Variants in IL12RB1 observed in about 807,000 individuals in gnomAD.
IL12RB1 encodes the protein interleukin-12 receptor subunit beta-1.
IL12RB1 carries 64 observed loss-of-function variants against 94.4 expected under a neutral mutation model. The ratio of observed to expected loss-of-function variants is 0.68; its 90% CI spans 0.55 to 0.83. The LOEUF is 0.83. Ranked by LOEUF, IL12RB1 falls within the 40% of genes least tolerant of loss-of-function variation. IL12RB1 has a pLI of 0.00. For synonymous variants in IL12RB1, 362 were observed against 355.5 expected, an observed-to-expected ratio of 1.02 and a Z score of -0.21; for missense variants, 814 against 855.6, an observed-to-expected ratio of 0.95 and a Z score of 0.61.
chr19:18,068,665 C>G (rs979906261), intron 10 of IL12RB1, 139 bp from the exon 11 acceptor site: 1 of 702,036 alleles, frequency 1.4e-6, no homozygotes, highest in Middle Eastern at 3.8e-4. Context: ...ATATCCCCTC[C>G]TCCAAGATCT....
upstream of IL12RB1, among the ~76,000 whole-genome samples, chr19:18,090,337 C>T (rs2036576792): frequency 6.6e-6 from 1 of 152,012 alleles, no homozygotes; most frequent in Admixed American, 6.6e-5. Flanking sequence ...AGAGCAAGAC[C>T]CTGCTCAAAA....
intron 9 of IL12RB1, chr19:18,071,270 G>A (rs1374966781): frequency 6.0e-6 from 3 of 498,464 alleles, no homozygotes; most frequent in Non-Finnish European, 1.1e-5. Flanking sequence ...TACTCGGGAG[G>A]CTGAAGCAGG....
chr19:18,066,399 G>A (rs1029885857), intron 12 of IL12RB1, 143 bp downstream of exon 12: 106 of 581,210 alleles, frequency 1.8e-4, no homozygotes, highest in Admixed American at 1.1e-3. Context: ...GAGCCACTGC[G>A]CCCAGCCAAT....
intron 7 of IL12RB1, 30 bp downstream of exon 7, chr19:18,075,719 C>T: frequency 1.3e-6 from 2 of 1,598,500 alleles, no homozygotes; most frequent in African/African-American, 1.3e-5. Context: ...CTAATGCTTG[C>T]CCCTGTTCCT....
exon 1 of IL12RB1, chr19:18,098,895 G>A (rs2037279768): frequency 7.0e-6 from 3 of 428,832 alleles, no homozygotes; most frequent in Admixed American, 5.2e-5. Context: ...ACCCCACGGA[G>A]TGATCAGTTG....
Position 18,069,691 on chromosome 19 carries a change from G to T in IL12RB1, c.1044C>A (p.Ser348Arg). 6.2e-7 allele frequency: 1 copy of T among 1,611,876 alleles called. No individual in the cohort carries two copies. The highest frequency in any genetic ancestry group is 8.5e-7 in the Non-Finnish European group (1 of 1,178,516). The change falls in exon 10 of 17, where the codon AGC becomes AGA. Residue 348 changes from serine to arginine, a missense_variant. Physicochemically the swap from Ser to Arg is moderately radical, Grantham distance 110. Coordinates refer to ENST00000593993, the MANE Select transcript of IL12RB1 (RefSeq NM_005535.3). ...ACATGGTGGTCCCGTTGGTTCCGAC[G>T]CTGATATTCAGAGCCACTGGTTCTG... is the stretch of plus-strand genomic sequence containing the variant. The part of the protein sequence containing the change: ...THTEPVALNI[S>R]VGTNGTTMYW...
In IL12RB1 at chr19:18,069,637, C is replaced by T. The variant is rs61734350; in HGVS notation, c.1098G>A (p.Thr366=). The change falls in exon 10 of 17, where the codon ACG becomes ACA. Residue 366 remains threonine, a synonymous_variant. Coordinates refer to ENST00000593993, the MANE Select transcript of IL12RB1 (RefSeq NM_005535.3). ...CCACAGGCTGCCATTCAATGCAATA[C>T]GTCATGCTCTGAGCCCGGGCTGGCC... ...MYWPARAQSM[T]YCIEWQPVGQ... is the part of the protein sequence containing the mutation. 2.9e-3 allele frequency: 4,723 copies of T among 1,613,436 alleles called. 13 individuals carry two copies. The highest frequency in any genetic ancestry group is 0.014 in the Middle Eastern group (83 of 6,062).
At chr19:18,063,078 A>ATTTTTTTTTTTTTTTT (rs67262412) in intron 13 of IL12RB1, among the ~76,000 whole-genome samples, 1 of 51,462 alleles carries the variant, frequency 1.9e-5, no homozygotes, top group African/African-American at 1.0e-4. Context: ...TTCTTCTTCT[A>ATTTTTTTTTTTTTTTT]TTTTTTTTTT....
At chr19:18,081,250 C>T (rs2035879544) in intron 3 of IL12RB1, among the ~76,000 whole-genome samples, 1 of 152,000 alleles carries the variant, frequency 6.6e-6, no homozygotes, top group Non-Finnish European at 1.5e-5. Flanking sequence ...CACATGCCAC[C>T]ACATGCGTCT....
At chr19:18,079,093 G>A (rs1343588573) in intron 4 of IL12RB1, among the ~76,000 whole-genome samples, 1 of 149,484 alleles carries the variant, frequency 6.7e-6, no homozygotes, top group Non-Finnish European at 1.5e-5. Flanking sequence ...TGTGTGGTGA[G>A]AACACTTAAA....
chr19:18,094,955 T>G (rs1203504807), intron 1 of IL12RB1, among the ~76,000 whole-genome samples: 1 of 152,002 alleles, frequency 6.6e-6, no homozygotes, highest in Non-Finnish European at 1.5e-5. Flanking sequence ...GGTGGATGGA[T>G]CACTTAAAGG....
In IL12RB1 at chr19:18,081,018, G is replaced by T. The variant is rs754690787; in HGVS notation, c.240-17C>A. On this transcript the variant is annotated splice_polypyrimidine_tract_variant and intron_variant, in intron 3 of 16. Coordinates refer to ENST00000593993, the MANE Select transcript of IL12RB1 (RefSeq NM_005535.3). The stretch of plus-strand genomic sequence containing the variant: ...GAGCTAAGGCTGCAGCAGGAAGGAG[G>T]GTGTCAGTGCCGAGTCTGGGGTCCT... The T allele has an allele frequency of 1.2e-6, 2 of 1,607,622 alleles. No homozygotes were observed. Among genetic ancestry groups the T allele is most frequent in the Non-Finnish European group, 1.7e-6 (2 of 1,179,402 alleles).
chr19:18,091,141 G>A (rs1412415245), upstream of IL12RB1, among the ~76,000 whole-genome samples: 1 of 152,164 alleles, frequency 6.6e-6, no homozygotes, highest in East Asian at 1.9e-4. Flanking sequence ...AGACAAAGGT[G>A]AAGTGGTATT....
At chr19:18,088,595 G>A (rs2036488247), upstream of IL12RB1, among the ~76,000 whole-genome samples, 1 of 150,550 alleles carries the variant, frequency 6.6e-6, no homozygotes, top group African/African-American at 2.4e-5. Flanking sequence ...TTTAAGAGAT[G>A]CAACTTAGTC....
chr19:18,069,676 C>A lies in IL12RB1; in HGVS notation c.1059G>T (p.Gly353=). 6.2e-7 allele frequency: 1 copy of A among 1,612,778 alleles called. No individual in the cohort carries two copies. Reference sequence around the variant, plus strand: ...CCCGGGCTGGCCAATACATGGTGGTCCCGTTGGTTCCGACGCTGATATTCA... The same window carrying A: ...CCCGGGCTGGCCAATACATGGTGGTACCGTTGGTTCCGACGCTGATATTCA... The part of the protein sequence containing the change: ...VALNISVGTN[G]TTMYWPARAQ... The change falls in exon 10 of 17, where the codon GGG becomes GGT. Residue 353 remains glycine, a synonymous_variant. Coordinates refer to ENST00000593993, the MANE Select transcript of IL12RB1 (RefSeq NM_005535.3).
At chr19:18,088,027 G>C (rs2036450921), upstream of IL12RB1, among the ~76,000 whole-genome samples, 1 of 152,076 alleles carries the variant, frequency 6.6e-6, no homozygotes, top group South Asian at 2.1e-4. Flanking sequence ...GTCGAGGTGG[G>C]AGGATCACTT....
chr19:18,065,424 G>A (rs540304449), intron 12 of IL12RB1, among the ~76,000 whole-genome samples: 6 of 152,278 alleles, frequency 3.9e-5, no homozygotes, highest in Admixed American at 2.0e-4. Flanking sequence ...GGGTCTGCAA[G>A]GGGTGATCGA....
intron 1 of IL12RB1, among the ~76,000 whole-genome samples, chr19:18,086,222 C>CAGTA (rs1411858171): frequency 7.9e-6 from 1 of 126,510 alleles, no homozygotes; most frequent in African/African-American, 3.1e-5. Flanking sequence ...GACCCTACCT[C>CAGTA]AGTAAATAAA....
upstream of IL12RB1, chr19:18,090,544 C>T (rs1356023425): frequency 1.3e-5 from 2 of 152,288 alleles, no homozygotes; most frequent in Non-Finnish European, 2.9e-5. Context: ...TGGATTCAAA[C>T]CACCCCTTGT....
Sources: allele counts gnomAD v4.1 joint callset (sites outside exome capture counted in the v4.1 genomes callset), GRCh38; gene constraint gnomAD v4.1.1; transcripts MANE v1.5; gene names NCBI Gene and HGNC (gene_info 2026-07-23, HGNC 2026-07-21).